ERCC5: variants seen among roughly 807,000 people sequenced by gnomAD.
The protein encoded by ERCC5 is DNA excision repair protein ERCC-5.
ERCC5 carries 68 observed loss-of-function variants against 105.6 expected under a neutral mutation model. The observed-to-expected ratio is 0.64, with a 90% confidence interval of 0.53 to 0.79. The LOEUF is 0.79. ERCC5 is among the 30% of genes least tolerant of loss of function. The pLI is 0.00. For missense variants in ERCC5, 1,373 were observed against 1,426.7 expected (o/e 0.96, Z 0.61); for synonymous variants, 546 against 526.2 (o/e 1.04, Z -0.51).
chr13:102,865,682 T>C lies in ERCC5; in HGVS notation c.1970T>C (p.Val657Ala), dbSNP rs1470945449. 4 of 1,613,786 alleles carry C rather than the reference T, an allele frequency of 2.5e-6. No homozygotes were observed. The highest frequency in any genetic ancestry group is 3.4e-6 in the Non-Finnish European group (4 of 1,179,858). ...ESESDGSFIE[V>A]QSVISDEELQ... The stretch of plus-strand genomic sequence containing the variant: ...TTTGGTACAGGAAGTTTCATTGAAG[T>C]GCAAAGTGTGATTAGTGATGAGGAA... The change falls in exon 9 of 15, where the codon GTG becomes GCG. Residue 657 changes from valine to alanine, a missense_variant. By Grantham distance (64) the Val-to-Ala change is moderately conservative. Coordinates refer to ENST00000652225, the MANE Select transcript of ERCC5 (RefSeq NM_000123.4). The surrounding 1 kb of genome is among the most constrained non-coding windows in gnomAD (Gnocchi z 4.0).
At chr13:102,874,295 T>C (rs1361895774) in intron 14 of ERCC5, among the ~76,000 whole-genome samples, 1 of 152,224 alleles carries the variant, frequency 6.6e-6, no homozygotes, top group African/African-American at 2.4e-5. Context: ...TAAAAAATTT[T>C]CCTGCATTTA....
In ERCC5 at chr13:102,862,782, C is replaced by A; in HGVS notation, c.1633C>A (p.Gln545Lys). ...TGAAACACATGCTGAAGTGCTTGAG[C>A]AGCAGAACGAACTTTGCCCATATGA... ...KNETHAEVLE[Q>K]QNELCPYESK... The change falls in exon 8 of 15, where the codon CAG becomes AAG. Residue 545 changes from glutamine (Q) to lysine (K), a missense_variant. Physicochemically the swap from Gln to Lys is moderately conservative, Grantham distance 53. Transcript: ENST00000652225. 1 of 1,614,088 alleles carries A rather than the reference C, an allele frequency of 6.2e-7. No individual in the cohort carries two copies. The highest frequency in any genetic ancestry group is 8.5e-7 in the Non-Finnish European group (1 of 1,180,040).
chr13:102,858,912 T>C, intron 6 of ERCC5: 1 of 456,082 alleles, frequency 2.2e-6, no homozygotes, highest in South Asian at 1.5e-5. Flanking sequence ...AAATTCCAGG[T>C]ATATCTTCCT....
chr13:102,859,102 G>A (rs1882532535), intron 6 of ERCC5, among the ~76,000 whole-genome samples: 1 of 152,196 alleles, frequency 6.6e-6, no homozygotes, highest in Non-Finnish European at 1.5e-5. Flanking sequence ...TGCTGCCATT[G>A]ATACTTAATT....
chr13:102,846,247 T>A lies in ERCC5; in HGVS notation c.-20T>A. 6.2e-7 allele frequency: 1 copy of A among 1,608,034 alleles called. No homozygotes were observed. Among genetic ancestry groups the A allele is most frequent in the Non-Finnish European group, 8.5e-7 (1 of 1,176,240 alleles). ...TAGAGTAGAAGTTGTCGGGGTCCGC[T>A]CTTAGGACGCAGCCGCCTCATGGGG... On this transcript the variant is annotated 5_prime_UTR_variant, in exon 1 of 15. Transcript: ENST00000652225.
intron 12 of ERCC5, among the ~76,000 whole-genome samples, chr13:102,871,739 A>G (rs1405009110): frequency 1.3e-5 from 2 of 152,172 alleles, no homozygotes; most frequent in Non-Finnish European, 2.9e-5. Flanking sequence ...TCTTCGATCC[A>G]TTATTGTATT....
intron 12 of ERCC5, among the ~76,000 whole-genome samples, chr13:102,870,982 C>A (rs917092735): frequency 4.6e-5 from 7 of 152,206 alleles, no homozygotes; most frequent in Non-Finnish European, 8.8e-5. Flanking sequence ...TTACAAACTA[C>A]CTTCAGCCTT....
At chr13:102,856,427 A>C (rs914239055) in intron 5 of ERCC5, among the ~76,000 whole-genome samples, 4 of 152,228 alleles carry the variant, frequency 2.6e-5, no homozygotes, top group African/African-American at 9.6e-5. Context: ...TATCATTCAT[A>C]AATAACTTGT....
Position 102,862,017 on chromosome 13 carries a change from A to C in ERCC5, c.881-13A>C. The C allele has an allele frequency of 1.2e-6, 2 of 1,614,018 alleles. No homozygotes were observed. The highest frequency in any genetic ancestry group is 1.7e-6 in the Non-Finnish European group (2 of 1,179,924). ...AAAACTGAATGGTGAGAAGTGTTTT[A>C]ATTCTTCTTAAGGTATTCAAGCTAA... On this transcript the variant is annotated splice_polypyrimidine_tract_variant and intron_variant, in intron 7 of 14. Transcript: ENST00000652225.
chr13:102,855,616 C>CT (rs1389776795), intron 4 of ERCC5, among the ~76,000 whole-genome samples: 3 of 152,218 alleles, frequency 2.0e-5, no homozygotes, highest in Non-Finnish European at 4.4e-5. Flanking sequence ...TTATCCCTGC[C>CT]TTTCTTCACA....
chr13:102,872,167 T>C (rs558532253), intron 12 of ERCC5, 31 bp from the exon 13 acceptor site: 1 of 1,608,644 alleles, frequency 6.2e-7, no homozygotes, highest in Non-Finnish European at 8.5e-7. Context: ...GTCTCATTGC[T>C]GTGTAAGTAA....
chr13:102,859,132 C>T (rs559739992), intron 6 of ERCC5, among the ~76,000 whole-genome samples: 1 of 152,294 alleles, frequency 6.6e-6, no homozygotes, highest in East Asian at 1.9e-4. Flanking sequence ...ATTGATGACT[C>T]CCTGTCTTAG....
intron 6 of ERCC5, among the ~76,000 whole-genome samples, chr13:102,861,301 A>AT (rs892231786): frequency 6.6e-6 from 1 of 150,954 alleles, no homozygotes; most frequent in African/African-American, 2.4e-5. Flanking sequence ...AGTATTCATG[A>AT]TTTTTTTTTG....
intron 1 of ERCC5, among the ~76,000 whole-genome samples, chr13:102,847,023 A>G (rs1420590621): frequency 6.6e-6 from 1 of 152,228 alleles, no homozygotes; most frequent in Non-Finnish European, 1.5e-5. Flanking sequence ...TTAATACAGT[A>G]AATCTTAAAG....
At chr13:102,873,142 A>C (rs1883088191) in intron 13 of ERCC5, 117 bp from the exon 14 acceptor site, 4 of 1,232,834 alleles carry the variant, frequency 3.2e-6, no homozygotes, top group African/African-American at 3.0e-5. Flanking sequence ...AATCTTTATA[A>C]ATAGGAAAAT....
chr13:102,870,973 T>C (rs747649566), intron 12 of ERCC5, among the ~76,000 whole-genome samples: 2 of 152,236 alleles, frequency 1.3e-5, no homozygotes, highest in African/African-American at 2.4e-5. Flanking sequence ...GTCACTGCAT[T>C]ACAAACTACC....
intron 7 of ERCC5, 144 bp from the exon 8 acceptor site, chr13:102,861,886 G>A: frequency 2.2e-6 from 3 of 1,356,820 alleles, no homozygotes; most frequent in Non-Finnish European, 2.1e-6. Flanking sequence ...TTTAAAATTA[G>A]CTAATGAATT....
chr13:102,873,412 C>T, intron 14 of ERCC5, 69 bp downstream of exon 14: 2 of 1,541,334 alleles, frequency 1.3e-6, no homozygotes, highest in Non-Finnish European at 1.8e-6. Context: ...CTGTTAAAGA[C>T]CAGTTAACTC....
chr13:102,853,981 A>G (rs867801160), intron 3 of ERCC5, 109 bp downstream of exon 3: 15 of 1,094,782 alleles, frequency 1.4e-5, no homozygotes, highest in South Asian at 1.4e-4. Context: ...TCAACAGAAA[A>G]TAGAGAGTGA....
Sources: allele counts gnomAD v4.1 joint callset (sites outside exome capture counted in the v4.1 genomes callset), GRCh38; gene constraint gnomAD v4.1.1; non-coding constraint Gnocchi (gnomAD v3.1); transcripts MANE v1.5; gene names NCBI Gene and HGNC (gene_info 2026-07-23, HGNC 2026-07-21).